Variants in SGCZ observed in about 807,000 individuals in gnomAD.
The protein encoded by SGCZ is zeta-sarcoglycan.
Under a neutral mutation model 41.3 loss-of-function variants are expected in SGCZ, and 40 were observed. The ratio of observed to expected loss-of-function variants is 0.97; its 90% CI spans 0.75 to 1.26. SGCZ has a LOEUF of 1.26. SGCZ is among the 50% of genes most tolerant of loss of function. The pLI is 0.00. For missense variants in SGCZ, 552 were observed against 369.8 expected (o/e 1.49, Z -4.04); for synonymous variants, 206 against 137.5 (o/e 1.50, Z -3.49).
intron 1 of SGCZ, among the ~76,000 whole-genome samples, chr8:14,660,963 A>T (rs1026409454): frequency 6.6e-6 from 1 of 152,214 alleles, no homozygotes; most frequent in South Asian, 2.1e-4. Context: ...AAGTATGCAC[A>T]TGAAAACAAT....
At position 14,554,896 on chromosome 8, in the gene SGCZ, G is replaced by T; in HGVS notation, c.70C>A (p.Gln24Lys). 1 of 1,612,244 alleles carries T rather than the reference G, an allele frequency of 6.2e-7. No homozygotes were observed. The highest frequency in any genetic ancestry group is 8.5e-7 in the Non-Finnish European group (1 of 1,179,168). Reference sequence around the variant, plus strand: ...TCAGTCCTTGGCAGGTTATTCTGTTGGGTTGCTAGTATGTATTGTTCTCGT... The same window carrying T: ...TCAGTCCTTGGCAGGTTATTCTGTTTGGTTGCTAGTATGTATTGTTCTCGT... ...MTREQYILAT[Q>K]QNNLPRTENA... The change falls in exon 2 of 8, where the codon CAA becomes AAA. Residue 24 changes from glutamine to lysine, a missense_variant. Transcript: ENST00000382080.
chr8:14,358,808 A>G (rs1322991605), intron 2 of SGCZ, among the ~76,000 whole-genome samples: 6 of 151,888 alleles, frequency 4.0e-5, no homozygotes, highest in African/African-American at 1.2e-4. Flanking sequence ...ATGGGGTTTC[A>G]CCATCTTGGC....
intron 1 of SGCZ, among the ~76,000 whole-genome samples, chr8:15,040,836 C>G (rs1224941368): frequency 4.6e-5 from 7 of 152,098 alleles, no homozygotes; most frequent in African/African-American, 1.7e-4. Flanking sequence ...GTTTCCATAC[C>G]TATCAAAGTC....
intron 5 of SGCZ, among the ~76,000 whole-genome samples, chr8:14,153,923 T>A (rs7835037): frequency 0.8 from 113,191 of 141,714 alleles, 45,393 homozygotes; most frequent in East Asian, 0.9. Context: ...TCTCTCTCTC[T>A]CACACACACA....
intron 1 of SGCZ, among the ~76,000 whole-genome samples, chr8:14,656,959 G>T (rs76493806): frequency 6.6e-6 from 1 of 151,706 alleles, no homozygotes; most frequent in South Asian, 2.1e-4. Context: ...ATCAATCGAA[G>T]AAGACATATA....
At chr8:14,387,441 G>T (rs546024881) in intron 2 of SGCZ, among the ~76,000 whole-genome samples, 28 of 152,098 alleles carry the variant, frequency 1.8e-4, no homozygotes, top group Non-Finnish European at 3.7e-4. Flanking sequence ...ACCTTTACTT[G>T]TCAAAAATAT....
At chr8:14,138,930 C>T (rs1173286408) in intron 5 of SGCZ, among the ~76,000 whole-genome samples, 1 of 152,156 alleles carries the variant, frequency 6.6e-6, no homozygotes, top group Non-Finnish European at 1.5e-5. Flanking sequence ...AAACTGACCA[C>T]ATAGCCGAAA....
chr8:14,957,808 C>T lies in SGCZ; in HGVS notation c.39+279777G>A, dbSNP rs150920570. Reference sequence around the variant, plus strand: ...GGTGGATGCTGTAGTTGGAAATATACATAAAACAAAAGTCAAGAAATTGTG... The same window carrying T: ...GGTGGATGCTGTAGTTGGAAATATATATAAAACAAAAGTCAAGAAATTGTG... On this transcript the variant is annotated intron_variant, in intron 1 of 7. Coordinates refer to ENST00000382080, the MANE Select transcript of SGCZ (RefSeq NM_139167.4). Among the ~76,000 whole-genome samples the T allele has an allele frequency of 1.4e-4, 21 of 152,044 alleles. No homozygotes were observed. The East Asian group carries it at 3.3e-3, about 24-fold the overall frequency.
rs542159240 is a variant in SGCZ, at chr8:14,334,508, A to G, written c.235-10304T>C. 1.1e-4 allele frequency among the ~76,000 whole-genome samples: 17 copies of G among 152,228 alleles called. 1 individual carries two copies. In the South Asian group the frequency reaches 1.7e-3, roughly 15 times the overall value. On this transcript the variant is annotated intron_variant, in intron 2 of 7. Coordinates refer to ENST00000382080, the MANE Select transcript of SGCZ (RefSeq NM_139167.4). ...GTATAGAACATGTTACATTTATTGT[A>G]TTATGTAATCCCAATATAGCTTCCC...
At chr8:14,540,740 C>T (rs181155444) in intron 2 of SGCZ, among the ~76,000 whole-genome samples, 7 of 151,852 alleles carry the variant, frequency 4.6e-5, no homozygotes, top group Admixed American at 4.6e-4. Context: ...GTAAGGCGTT[C>T]TGCTTCATAA....
At chr8:14,994,352 G>A (rs555136132) in intron 1 of SGCZ, among the ~76,000 whole-genome samples, 1 of 152,258 alleles carries the variant, frequency 6.6e-6, no homozygotes, top group Admixed American at 6.5e-5. Flanking sequence ...GGGAGGCCGA[G>A]GCGGGCAGAT....
intron 1 of SGCZ, among the ~76,000 whole-genome samples, chr8:14,740,280 G>C (rs974232413): frequency 2.0e-5 from 3 of 151,976 alleles, no homozygotes; most frequent in Non-Finnish European, 4.4e-5. Context: ...CCTTCAACTT[G>C]CTAATTCCAG....
chr8:14,224,773 C>T (rs1801302603), intron 4 of SGCZ, among the ~76,000 whole-genome samples: 1 of 152,126 alleles, frequency 6.6e-6, no homozygotes, highest in South Asian at 2.1e-4. Context: ...TCATATTCAT[C>T]ATTAAATTAC....
At chr8:14,364,141 T>C (rs1585409246) in intron 2 of SGCZ, among the ~76,000 whole-genome samples, 1 of 152,342 alleles carries the variant, frequency 6.6e-6, no homozygotes, top group East Asian at 1.9e-4. Flanking sequence ...AATGTGTTTA[T>C]TTCTATGAAA....
At chr8:14,937,561 G>C (rs1264461194) in intron 1 of SGCZ, among the ~76,000 whole-genome samples, 1 of 151,990 alleles carries the variant, frequency 6.6e-6, no homozygotes, top group Non-Finnish European at 1.5e-5. Context: ...AAAAATTTGA[G>C]AGGGAAGGAA....
At chr8:15,152,082 T>C (rs550698675) in intron 1 of SGCZ, among the ~76,000 whole-genome samples, 1 of 152,208 alleles carries the variant, frequency 6.6e-6, no homozygotes, top group Non-Finnish European at 1.5e-5. Context: ...TTTAATTTCC[T>C]TTTGAAAGAA....
At chr8:14,134,490 G>A (rs959840364) in intron 5 of SGCZ, among the ~76,000 whole-genome samples, 5 of 152,168 alleles carry the variant, frequency 3.3e-5, no homozygotes, top group Non-Finnish European at 7.4e-5. Context: ...CAAATTAACT[G>A]TGCCTGTAAT....
At chr8:14,455,508 C>A (rs1351366908) in intron 2 of SGCZ, among the ~76,000 whole-genome samples, 2 of 149,942 alleles carry the variant, frequency 1.3e-5, no homozygotes. Flanking sequence ...ACACACTTCT[C>A]TTTCCTTTCA....
At chr8:14,978,470 C>CAAAAAAAAAAAAAAAAAAAA (rs59543494) in intron 1 of SGCZ, among the ~76,000 whole-genome samples, 2 of 62,826 alleles carry the variant, frequency 3.2e-5, no homozygotes, top group African/African-American at 1.7e-4. Context: ...GACACCGTCA[C>CAAAAAAAAAAAAAAAAAAAA]AAAAAAAAAA....
Sources: gnomAD v4.1 joint callset for allele counts (sites outside exome capture counted in the v4.1 genomes callset) on GRCh38, gnomAD v4.1.1 for gene constraint, MANE v1.5 for transcripts, NCBI Gene and HGNC (gene_info 2026-07-23, HGNC 2026-07-21) for gene names.